NEDD9: variants seen among roughly 807,000 people sequenced by gnomAD.
The protein encoded by NEDD9 is enhancer of filamentation 1.
NEDD9 carries 26 observed loss-of-function variants against 76.6 expected under a neutral mutation model. The ratio of observed to expected loss-of-function variants is 0.34; its 90% CI spans 0.25 to 0.47. NEDD9 has a LOEUF of 0.47. Ranked by LOEUF, NEDD9 falls within the 20% of genes least tolerant of loss-of-function variation. The probability of loss-of-function intolerance (pLI) is 1.00; values close to 1 mark genes in which losing one functional copy is unlikely to be tolerated. For missense variants in NEDD9, 937 were observed against 1,058.5 expected, an observed-to-expected ratio of 0.89 and a Z score of 1.59; for synonymous variants, 392 against 414.2, an observed-to-expected ratio of 0.95 and a Z score of 0.65.
chr6:11,316,409 T>A (rs954774792), intron 2 of NEDD9, among the ~76,000 whole-genome samples: 1 of 152,160 alleles, frequency 6.6e-6, no homozygotes, highest in East Asian at 1.9e-4. Context: ...CGTCTGATCG[T>A]CTCATGGGTA....
rs1048789067 is a variant in NEDD9, at chr6:11,196,135, T to C, written c.460-2443A>G. Among the ~76,000 whole-genome samples the C allele has an allele frequency of 3.9e-5, 6 of 151,922 alleles. 1 individual carries two copies. Among genetic ancestry groups the C allele is most frequent in the African/African-American group, 1.5e-4 (6 of 41,324 alleles). On this transcript the variant is annotated intron_variant, in intron 2 of 6. Transcript: ENST00000379446. ...CTGGCTAACACAGTGAAACCCCATC[T>C]CTACTAAAAATACACAAAATTAGCC...
intron 2 of NEDD9, among the ~76,000 whole-genome samples, chr6:11,309,366 G>A (rs900396408): frequency 1.3e-5 from 2 of 152,104 alleles, no homozygotes; most frequent in Non-Finnish European, 2.9e-5. Context: ...ATAATGCTAC[G>A]TAGATCTTTA....
At chr6:11,279,490 G>A (rs929413781) in intron 3 of NEDD9, among the ~76,000 whole-genome samples, 1 of 152,252 alleles carries the variant, frequency 6.6e-6, no homozygotes, top group Admixed American at 6.5e-5. Flanking sequence ...CTCAGCGTGG[G>A]CTGCGGTCTC....
rs946658741 is a variant in NEDD9, at chr6:11,241,531, G to C, written c.13-27804C>G. On this transcript the variant is annotated intron_variant, in intron 3 of 3. Coordinates refer to the NEDD9 transcript ENST00000397378. This position sits in a 1 kb window ranked among gnomAD's most constrained non-coding sequence, Gnocchi z 4.0. Reference sequence around the variant, plus strand: ...GATTTTCTGTTTCCAATCTACTTCCGAGCTTTGCCATTCTCCAGCGCACAC... The same window carrying C: ...GATTTTCTGTTTCCAATCTACTTCCCAGCTTTGCCATTCTCCAGCGCACAC... Among the ~76,000 whole-genome samples, 1 of 152,136 alleles carries C rather than the reference G, an allele frequency of 6.6e-6. No individual in the cohort carries two copies. Among genetic ancestry groups the C allele is most frequent in the Non-Finnish European group, 1.5e-5 (1 of 68,030 alleles).
At chr6:11,299,147 T>C (rs370644928) in intron 3 of NEDD9, among the ~76,000 whole-genome samples, 1 of 152,120 alleles carries the variant, frequency 6.6e-6, no homozygotes, top group African/African-American at 2.4e-5. Context: ...AATACTGTGC[T>C]TTTCCCACAG....
At chr6:11,214,107 G>A (rs568500009) in intron 1 of NEDD9, 102 of 469,072 alleles carry the variant, frequency 2.2e-4, no homozygotes, top group Admixed American at 1.7e-3. Flanking sequence ...ATATTCAGAT[G>A]TTCGACAATG....
chr6:11,225,728 C>A (rs1759289439), intron 1 of NEDD9, among the ~76,000 whole-genome samples: 1 of 151,652 alleles, frequency 6.6e-6, no homozygotes, highest in Admixed American at 6.6e-5. Context: ...GTCTGGATCT[C>A]CTGACCTCGT....
intron 3 of NEDD9, among the ~76,000 whole-genome samples, chr6:11,295,986 T>C (rs747413913): frequency 3.9e-5 from 6 of 152,098 alleles, no homozygotes; most frequent in Non-Finnish European, 7.3e-5. Context: ...TGTTTAGAGA[T>C]AGGGTCTTCA....
At chr6:11,355,822 A>C (rs569699856) in intron 1 of NEDD9, among the ~76,000 whole-genome samples, 2 of 151,878 alleles carry the variant, frequency 1.3e-5, no homozygotes, top group Non-Finnish European at 2.9e-5. Flanking sequence ...CTGTGTTCAC[A>C]CCATTCTCCT....
intron 1 of NEDD9, among the ~76,000 whole-genome samples, chr6:11,338,719 C>T (rs528342674): frequency 6.6e-6 from 1 of 152,024 alleles, no homozygotes; most frequent in East Asian, 1.9e-4. Flanking sequence ...GTCAAGAGAT[C>T]GAGACCATCC....
At chr6:11,240,937 A>C (rs1759697149) in intron 3 of NEDD9, among the ~76,000 whole-genome samples, 1 of 152,236 alleles carries the variant, frequency 6.6e-6, no homozygotes, top group Admixed American at 6.5e-5. Flanking sequence ...TTTAATAGTA[A>C]AATTGTGCAG....
chr6:11,208,263 AG>A (rs879370880), intron 2 of NEDD9, among the ~76,000 whole-genome samples: 10 of 152,122 alleles, frequency 6.6e-5, no homozygotes, highest in Non-Finnish European at 1.5e-4. Flanking sequence ...CAAAATGCAC[AG>A]AAGTTAAACT....
At chr6:11,261,531 A>G (rs748823944) in intron 3 of NEDD9, among the ~76,000 whole-genome samples, 2 of 152,226 alleles carry the variant, frequency 1.3e-5, no homozygotes, top group Admixed American at 6.5e-5. Context: ...GCTCTTTGTC[A>G]TGTGCAAGTC....
At position 11,201,193 on chromosome 6, in the gene NEDD9, G is replaced by C. The variant is rs1758443995; in HGVS notation, c.460-7501C>G. Reference sequence around the variant, plus strand: ...CAGAGCTGGCTAGGTGCCTGGGATGGGGCAGAGCAGCGGCAGCAGAGGCCA... The same window carrying C: ...CAGAGCTGGCTAGGTGCCTGGGATGCGGCAGAGCAGCGGCAGCAGAGGCCA... On this transcript the variant is annotated intron_variant, in intron 2 of 6. Coordinates refer to ENST00000379446, the MANE Select transcript of NEDD9 (RefSeq NM_006403.4). 4 of 847,788 alleles carry C rather than the reference G, an allele frequency of 4.7e-6. No individual in the cohort carries two copies. The South Asian group carries it at 6.2e-5, about 13-fold the overall frequency. 52.5% of individuals were successfully genotyped at this position (847,788 alleles called of 1,614,324 possible).
upstream of NEDD9, among the ~76,000 whole-genome samples, chr6:11,236,453 T>C (rs1281138389): frequency 6.6e-6 from 1 of 152,172 alleles, no homozygotes; most frequent in Non-Finnish European, 1.5e-5. This position sits in a 1 kb window ranked among gnomAD's most constrained non-coding sequence, Gnocchi z 5.5. Context: ...AAAGAAGAAA[T>C]ACTTCTGTTG....
intron 3 of NEDD9, among the ~76,000 whole-genome samples, chr6:11,192,801 T>C (rs1758188982): frequency 6.6e-6 from 1 of 151,222 alleles, no homozygotes; most frequent in Non-Finnish European, 1.5e-5. Flanking sequence ...GGTGTGGTGG[T>C]GCACACCTGT....
chr6:11,239,316 G>A (rs1307135880), intron 3 of NEDD9, among the ~76,000 whole-genome samples: 1 of 152,110 alleles, frequency 6.6e-6, no homozygotes, highest in East Asian at 1.9e-4. Flanking sequence ...TATAGAAGAG[G>A]GTTCTGTCTT....
chr6:11,243,924 G>T (rs891709663), intron 3 of NEDD9, among the ~76,000 whole-genome samples: 2 of 152,156 alleles, frequency 1.3e-5, no homozygotes, highest in African/African-American at 4.8e-5. Flanking sequence ...GTGTCAACCT[G>T]GATAGGCCAT....
Position 11,299,536 on chromosome 6 carries a change from G to A in NEDD9, c.12+6456C>T, listed in dbSNP as rs143983345. 9.9e-5 allele frequency among the ~76,000 whole-genome samples: 15 copies of A among 152,274 alleles called. No individual in the cohort carries two copies. The East Asian group carries it at 1.7e-3, about 18-fold the overall frequency. ...AGCATGGCATTTGAGCTCCAAGAAC[G>A]GACAGACTGCCTCCTCAAGTGGGTC... is the stretch of plus-strand genomic sequence containing the variant. On this transcript the variant is annotated intron_variant, in intron 3 of 3. Transcript: ENST00000397378.
Sources: allele counts gnomAD v4.1 joint callset (sites outside exome capture counted in the v4.1 genomes callset), GRCh38; gene constraint gnomAD v4.1.1; non-coding constraint Gnocchi (gnomAD v3.1); transcripts MANE v1.5; gene names NCBI Gene and HGNC (gene_info 2026-07-23, HGNC 2026-07-21).